TBR1: variants seen among roughly 807,000 people sequenced by gnomAD.
TBR1 encodes T-box brain protein 1.
TBR1 carries 7 observed loss-of-function variants against 60.3 expected under a neutral mutation model. The observed-to-expected ratio is 0.12, with a 90% CI of 0.07 to 0.22. The LOEUF is 0.22. Ranked by LOEUF, TBR1 falls within the 10% of genes least tolerant of loss-of-function variation. The pLI, the probability that TBR1 is intolerant of heterozygous loss-of-function variation, is 1.00. For synonymous variants in TBR1, 417 were observed against 409.9 expected (o/e 1.02, Z -0.21); for missense variants, 616 against 936.8 (o/e 0.66, Z 4.47).
intron 4 of TBR1, 50 bp downstream of exon 4, chr2:161,419,100 C>A: frequency 6.2e-7 from 1 of 1,610,770 alleles, no homozygotes; most frequent in South Asian, 1.1e-5. Context: ...AGACATCTCT[C>A]CCACCCTCTC....
At chr2:161,418,806 G>T (rs944299625) in intron 3 of TBR1, 86 bp from the exon 4 acceptor site, 186 of 1,505,530 alleles carry the variant, frequency 1.2e-4, no homozygotes, top group Non-Finnish European at 1.6e-4. Context: ...CCGCCGGCCC[G>T]GGCGCGCAGC....
intron 3 of TBR1, 56 bp from the exon 4 acceptor site, chr2:161,418,836 G>C (rs1684178856): frequency 6.3e-7 from 1 of 1,577,818 alleles, no homozygotes; most frequent in Non-Finnish European, 8.6e-7. Flanking sequence ...ACAGCCACGC[G>C]CACAGCGACC....
Position 161,424,533 on chromosome 2 carries a change from C to T in TBR1, c.*306C>T. On this transcript the variant is annotated 3_prime_UTR_variant, in exon 6 of 6. Transcript: ENST00000389554. This position sits in a 1 kb window ranked among gnomAD's most constrained non-coding sequence, Gnocchi z 4.4. ...CTCCCCCTCGTCTTTCTCTTACCTCCTACTTCTCTTTCTTGTAATGAAACT... is the reference window on the plus strand; with the variant it reads ...CTCCCCCTCGTCTTTCTCTTACCTCTTACTTCTCTTTCTTGTAATGAAACT... The T allele has an allele frequency of 3.1e-6, 1 of 327,510 alleles. No homozygotes were observed. Among genetic ancestry groups the T allele is most frequent in the South Asian group, 5.7e-5 (1 of 17,508 alleles). 20.3% of individuals were successfully genotyped at this position (327,510 alleles called of 1,614,324 possible). A position where few individuals can be genotyped will look rare whatever the true frequency, so the allele number is the denominator to read the frequency against.
intron 5 of TBR1, chr2:161,421,169 A>T (rs1233200687): frequency 6.6e-6 from 1 of 152,278 alleles, no homozygotes; most frequent in Non-Finnish European, 1.5e-5. Context: ...CCATAAAAGG[A>T]AAGGGTACAT....
Position 161,416,421 on chromosome 2 carries a change from A to G in TBR1, c.11A>G (p.Glu4Gly). 6.3e-7 allele frequency: 1 copy of G among 1,593,710 alleles called. No individual in the cohort carries two copies. The highest frequency in any genetic ancestry group is 8.5e-7 in the Non-Finnish European group (1 of 1,169,926). ...TCAGGTTCTAGAGCTATGCAGCTGG[A>G]GCACTGCCTTTCTCCTTCTATCATG... MQL[E>G]HCLSPSIMLS... Residue 4 changes from glutamate (E) to glycine (G), a missense_variant, in exon 1 of 6, where the codon GAG (glutamate) becomes GGG (glycine). This residue lies in a region of TBR1 where 211 missense variants were observed against 268.7 expected (regional missense o/e 0.79). Coordinates refer to ENST00000389554, the MANE Select transcript of TBR1 (RefSeq NM_006593.4). This position sits in a 1 kb window ranked among gnomAD's most constrained non-coding sequence, Gnocchi z 6.1.
Position 161,417,580 on chromosome 2 carries a change from T to C in TBR1, c.693-96T>C. On this transcript the variant is annotated intron_variant, in intron 1 of 5. Coordinates refer to ENST00000389554, the MANE Select transcript of TBR1 (RefSeq NM_006593.4). The surrounding 1 kb of genome is among the most constrained non-coding windows in gnomAD (Gnocchi z 5.3). ...GCCTATTTGCTGCAAGTACAAGTTTTGCTTTGCTAACTGGCGCCCCGCTTC... is the reference window on the plus strand; with the variant it reads ...GCCTATTTGCTGCAAGTACAAGTTTCGCTTTGCTAACTGGCGCCCCGCTTC... The C allele has an allele frequency of 6.9e-7, 1 of 1,458,546 alleles. No homozygotes were observed. Among genetic ancestry groups the C allele is most frequent in the Non-Finnish European group, 9.3e-7 (1 of 1,079,048 alleles). The allele number at this position is 1,458,546 out of a possible 1,614,324, so 90.4% of individuals were successfully genotyped here. A position where few individuals can be genotyped will look rare whatever the true frequency, so the allele number is the denominator to read the frequency against.
rs1452424224 is a variant in TBR1, at chr2:161,416,985, TCTC to T, written c.580_582del (p.Ser194del). Reference sequence around the variant, plus strand: ...TACCAAGGAGCTCCGTTCTACCAGTTCTCCTCCACCCAGCCGGGGCTGGTGCCC... The same window carrying T: ...TACCAAGGAGCTCCGTTCTACCAGTTCTCCACCCAGCCGGGGCTGGTGCCC... On this transcript the variant is annotated inframe_deletion, in exon 1 of 6. Coordinates refer to ENST00000389554, the MANE Select transcript of TBR1 (RefSeq NM_006593.4). The surrounding 1 kb of genome is among the most constrained non-coding windows in gnomAD (Gnocchi z 6.1). The T allele has an allele frequency of 1.9e-6, 3 of 1,614,068 alleles. No individual in the cohort carries two copies. Among genetic ancestry groups the T allele is most frequent in the South Asian group, 1.1e-5 (1 of 91,070 alleles).
At position 161,416,379 on chromosome 2, in the gene TBR1, G is replaced by A; in HGVS notation, c.-32G>A. The A allele has an allele frequency of 6.6e-7, 1 of 1,512,610 alleles. No individual in the cohort carries two copies. Among genetic ancestry groups the A allele is most frequent in the Non-Finnish European group, 8.9e-7 (1 of 1,124,904 alleles). 93.7% of individuals were successfully genotyped at this position (1,512,610 alleles called of 1,614,324 possible). A position where few individuals can be genotyped will look rare whatever the true frequency, so the allele number is the denominator to read the frequency against. ...GATAAATAGGACTTTAAAAACCAGG[G>A]ACGGGAGGGCGAGTGTTCAGGTTCT... On this transcript the variant is annotated 5_prime_UTR_variant, in exon 1 of 6. Coordinates refer to ENST00000389554, the MANE Select transcript of TBR1 (RefSeq NM_006593.4). The surrounding 1 kb of genome is among the most constrained non-coding windows in gnomAD (Gnocchi z 6.1).
At position 161,417,323 on chromosome 2, in the gene TBR1, T is replaced by C. The variant is rs974536070; in HGVS notation, c.692+221T>C. 8.5e-6 allele frequency: 5 copies of C among 590,754 alleles called. No individual in the cohort carries two copies. Among genetic ancestry groups the C allele is most frequent in the African/African-American group, 7.5e-5 (4 of 53,688 alleles). 36.6% of individuals were successfully genotyped at this position (590,754 alleles called of 1,614,324 possible). ...GGAACATAGTGGGAGAGCCAGTCAG[T>C]GGCCAGAGGAAGGCAAGAAAAAGGA... On this transcript the variant is annotated intron_variant, in intron 1 of 5. Transcript: ENST00000389554. The surrounding 1 kb of genome is among the most constrained non-coding windows in gnomAD (Gnocchi z 5.3).
At chr2:161,419,099 T>G in intron 4 of TBR1, 49 bp downstream of exon 4, 4 of 1,609,814 alleles carry the variant, frequency 2.5e-6, no homozygotes, top group Non-Finnish European at 3.4e-6. Flanking sequence ...CAGACATCTC[T>G]CCCACCCTCT....
rs773402041 is a variant in TBR1, at chr2:161,416,626, G to T, written c.216G>T (p.Lys72Asn). 25 of 1,614,142 alleles carry T rather than the reference G, an allele frequency of 1.5e-5. No individual in the cohort carries two copies. The highest frequency in any genetic ancestry group is 2.0e-5 in the Non-Finnish European group (24 of 1,180,038). Residue 72 changes from lysine (K) to asparagine (N), a missense_variant, in exon 1 of 6, where the codon AAG becomes AAT. By Grantham distance (94) the Lys-to-Asn change is moderately conservative. This residue lies in a region of TBR1 where 211 missense variants were observed against 268.7 expected (regional missense o/e 0.79). Coordinates refer to ENST00000389554, the MANE Select transcript of TBR1 (RefSeq NM_006593.4). The surrounding 1 kb of genome is among the most constrained non-coding windows in gnomAD (Gnocchi z 6.1). ...QSDTDNFPDS[K>N]DSPGDVQRSK... ...ATACAGACAATTTTCCTGACTCCAA[G>T]GACTCACCAGGGGACGTCCAGAGAA...
rs757237500 is a variant in TBR1, at chr2:161,424,274, G to T, written c.*47G>T. The T allele has an allele frequency of 8.0e-6, 12 of 1,492,586 alleles. No individual in the cohort carries two copies. Among genetic ancestry groups the T allele is most frequent in the Non-Finnish European group, 1.1e-5 (12 of 1,112,850 alleles). 92.5% of individuals were successfully genotyped at this position (1,492,586 alleles called of 1,614,324 possible). ...CCGCCGCGGCCCGGACCCCCAGCCA[G>T]CCCCTCACAGCTCTTCCCCAGCTCC... On this transcript the variant is annotated 3_prime_UTR_variant, in exon 6 of 6. Transcript: ENST00000389554. This position sits in a 1 kb window ranked among gnomAD's most constrained non-coding sequence, Gnocchi z 4.4.
Position 161,417,555 on chromosome 2 carries a change from G to A in TBR1, c.693-121G>A, listed in dbSNP as rs1684143614. 1.6e-6 allele frequency: 2 copies of A among 1,236,146 alleles called. No individual in the cohort carries two copies. The highest frequency in any genetic ancestry group is 2.3e-5 in the East Asian group (1 of 42,572). 76.6% of individuals were successfully genotyped at this position (1,236,146 alleles called of 1,614,324 possible). ...CCTTTTTCTAATCCAGCAAATATTC[G>A]CCTATTTGCTGCAAGTACAAGTTTT... On this transcript the variant is annotated intron_variant, in intron 1 of 5. Transcript: ENST00000389554. The surrounding 1 kb of genome is among the most constrained non-coding windows in gnomAD (Gnocchi z 5.3).
At chr2:161,422,485 C>G (rs538866431) in intron 5 of TBR1, 1 of 152,322 alleles carries the variant, frequency 6.6e-6, no homozygotes, top group East Asian at 1.9e-4. Context: ...GGCATATAGT[C>G]GAGCTCCGTA....
At chr2:161,423,334 C>A in intron 5 of TBR1, 35 bp from the exon 6 acceptor site, 1 of 1,360,904 alleles carries the variant, frequency 7.3e-7, no homozygotes, top group Non-Finnish European at 9.6e-7. Context: ...CCGCGCCACC[C>A]CTCGGCTCTC....
chr2:161,423,821 G>A lies in TBR1; in HGVS notation c.1643G>A (p.Arg548His). 2 of 1,473,920 alleles carry A rather than the reference G, an allele frequency of 1.4e-6. No homozygotes were observed. Among genetic ancestry groups the A allele is most frequent in the Non-Finnish European group, 1.8e-6 (2 of 1,116,788 alleles). The allele number at this position is 1,473,920 out of a possible 1,614,324, so 91.3% of individuals were successfully genotyped here. A position where few individuals can be genotyped will look rare whatever the true frequency, so the allele number is the denominator to read the frequency against. The change falls in exon 6 of 6, where the codon CGC becomes CAC. Residue 548 changes from arginine to histidine, a missense_variant. Arg to His is a conservative substitution (Grantham distance 29). Around this residue, in one of 8 missense-constraint regions of TBR1, gnomAD observed 210 missense variants for 297.4 expected, o/e 0.71. Transcript: ENST00000389554. ...YYADPSGWGA[R>H]SPPQYCGTKS... ...GCCGACCCGTCGGGCTGGGGCGCCC[G>A]CAGTCCCCCGCAGTACTGCGGCACC...
rs568131344 is a variant in TBR1, at chr2:161,417,232, T to C, written c.692+130T>C. ...GGAAGGCGCCCTAGAGTTGGCTAGT[T>C]TTGGAAAGGGGGAAAGTGGAAGGGA... On this transcript the variant is annotated intron_variant, in intron 1 of 5. Transcript: ENST00000389554. The surrounding 1 kb of genome is among the most constrained non-coding windows in gnomAD (Gnocchi z 5.3). The C allele has an allele frequency of 9.4e-6, 9 of 956,232 alleles. No homozygotes were observed. The Admixed American group carries it at 1.2e-4, about 13-fold the overall frequency. 59.2% of individuals were successfully genotyped at this position (956,232 alleles called of 1,614,324 possible).
chr2:161,418,701 C>T, intron 3 of TBR1, 191 bp from the exon 4 acceptor site: 2 of 754,442 alleles, frequency 2.7e-6, no homozygotes, highest in South Asian at 4.1e-5. Flanking sequence ...ATCTTCGCTC[C>T]CAGAGGTGCG....
intron 4 of TBR1, chr2:161,419,873 AT>A: frequency 5.8e-6 from 1 of 172,018 alleles, no homozygotes; most frequent in Middle Eastern, 2.5e-3. Flanking sequence ...CTCCTTAAAG[AT>A]TTTTGTCTGA....
Sources: allele counts gnomAD v4.1 joint callset, GRCh38; gene constraint gnomAD v4.1.1; regional missense constraint gnomAD v4.1.1; non-coding constraint Gnocchi (gnomAD v3.1); transcripts MANE v1.5; gene names NCBI Gene and HGNC (gene_info 2026-07-23, HGNC 2026-07-21).